CLSTN2: variants seen among roughly 807,000 people sequenced by gnomAD.
CLSTN2 encodes calsyntenin-2.
Under a neutral mutation model 101.2 loss-of-function variants are expected in CLSTN2, and 48 were observed. The ratio of observed to expected loss-of-function variants is 0.47; its 90% CI spans 0.38 to 0.60. The LOEUF is 0.60. Among genes scored for constraint, CLSTN2 ranks in the 20% least tolerant of loss-of-function variants. The pLI is 0.00. For synonymous variants in CLSTN2, 481 were observed against 463.6 expected, an observed-to-expected ratio of 1.04 and a Z score of -0.48; for missense variants, 1,160 against 1,238.2, an observed-to-expected ratio of 0.94 and a Z score of 0.95.
chr3:140,249,333 A>G (rs2086542445), intron 2 of CLSTN2, among the ~76,000 whole-genome samples: 1 of 152,224 alleles, frequency 6.6e-6, no homozygotes, highest in Non-Finnish European at 1.5e-5. Flanking sequence ...TCACATCACC[A>G]TGCCCAGCTG....
chr3:140,281,871 T>C (rs2086850496), intron 2 of CLSTN2, among the ~76,000 whole-genome samples: 1 of 152,172 alleles, frequency 6.6e-6, no homozygotes, highest in Admixed American at 6.5e-5. Context: ...CACAAGCTGC[T>C]TTAGCTGCTC....
rs1409128637 is a variant in CLSTN2, at chr3:139,990,868, T to C, written c.109+55385T>C. Among the ~76,000 whole-genome samples the C allele has an allele frequency of 2.0e-5, 3 of 152,238 alleles. No individual in the cohort carries two copies. In the East Asian group the frequency reaches 5.8e-4, roughly 29 times the overall value. Reference sequence around the variant, plus strand: ...GGTATACAGAATGACTTCAGATTGGTGCAGAGATAAACCATTTTTATATTA... The same window carrying C: ...GGTATACAGAATGACTTCAGATTGGCGCAGAGATAAACCATTTTTATATTA... On this transcript the variant is annotated intron_variant, in intron 1 of 16. Coordinates refer to ENST00000458420, the MANE Select transcript of CLSTN2 (RefSeq NM_022131.3).
intron 1 of CLSTN2, among the ~76,000 whole-genome samples, chr3:140,003,357 A>G (rs2006888003): frequency 6.6e-6 from 1 of 152,136 alleles, no homozygotes; most frequent in African/African-American, 2.4e-5. Context: ...ATTGTTCACT[A>G]TTGACCTATA....
intron 1 of CLSTN2, among the ~76,000 whole-genome samples, chr3:139,993,852 T>A (rs753163121): frequency 0.25 from 38,418 of 151,982 alleles, 5,053 homozygotes; most frequent in Admixed American, 0.37. Flanking sequence ...TTAAAGAAAG[T>A]ATATGACAAG....
At chr3:140,285,360 C>A (rs988503047) in intron 2 of CLSTN2, among the ~76,000 whole-genome samples, 1 of 152,094 alleles carries the variant, frequency 6.6e-6, no homozygotes, top group African/African-American at 2.4e-5. Context: ...CAATTATCTA[C>A]TGGCAGCAGC....
chr3:139,994,096 C>G (rs1179530380), intron 1 of CLSTN2, among the ~76,000 whole-genome samples: 2 of 152,198 alleles, frequency 1.3e-5, no homozygotes, highest in Non-Finnish European at 2.9e-5. Context: ...GATGATAGTT[C>G]TGCTCTTCAC....
At chr3:140,088,739 G>A (rs2008720067) in intron 1 of CLSTN2, among the ~76,000 whole-genome samples, 1 of 152,184 alleles carries the variant, frequency 6.6e-6, no homozygotes, top group African/African-American at 2.4e-5. Context: ...ATGTGGTGAT[G>A]TCATGCCTCT....
intron 1 of CLSTN2, among the ~76,000 whole-genome samples, chr3:140,166,812 A>T (rs984354235): frequency 6.6e-6 from 1 of 152,198 alleles, no homozygotes; most frequent in Admixed American, 6.5e-5. Context: ...GATAAGAAAG[A>T]GGCAAGAATT....
intron 12 of CLSTN2, among the ~76,000 whole-genome samples, chr3:140,560,797 C>A (rs58343475): frequency 6.6e-6 from 1 of 152,098 alleles, no homozygotes; most frequent in Non-Finnish European, 1.5e-5. Flanking sequence ...ACGATATGAC[C>A]AGACCTGACA....
intron 1 of CLSTN2, among the ~76,000 whole-genome samples, chr3:140,095,206 G>A (rs926791329): frequency 3.9e-5 from 6 of 152,140 alleles, no homozygotes; most frequent in East Asian, 1.9e-4. Flanking sequence ...GGCTAGGAGC[G>A]TTAATGGCAG....
In CLSTN2 at chr3:140,474,080, G is replaced by A. The variant is rs1253005921; in HGVS notation, c.1344+7349G>A. Among the ~76,000 whole-genome samples the A allele has an allele frequency of 4.6e-5, 7 of 152,216 alleles. No homozygotes were observed. The South Asian group carries it at 1.2e-3, about 27-fold the overall frequency. ...TAAGCCACCACGCCTGGCCAAATCT[G>A]TGTTGTTTTAAGCCACAAAGTTTGT... On this transcript the variant is annotated intron_variant, in intron 8 of 16. Transcript: ENST00000458420.
intron 1 of CLSTN2, among the ~76,000 whole-genome samples, chr3:139,960,486 C>A (rs1935489327): frequency 6.6e-6 from 1 of 152,204 alleles, no homozygotes; most frequent in East Asian, 1.9e-4. Flanking sequence ...AAGATGGAAT[C>A]TTCCAGGCAT....
intron 2 of CLSTN2, among the ~76,000 whole-genome samples, chr3:140,266,240 G>C (rs1175163664): frequency 6.6e-6 from 1 of 152,224 alleles, no homozygotes; most frequent in East Asian, 1.9e-4. Flanking sequence ...AAGCTCCAAA[G>C]TTCTTACCCA....
chr3:140,399,791 G>A (rs1272873881), intron 2 of CLSTN2, among the ~76,000 whole-genome samples: 1 of 151,964 alleles, frequency 6.6e-6, no homozygotes, highest in Non-Finnish European at 1.5e-5. Flanking sequence ...CTAGAGTTTG[G>A]AGTATGATTG....
At chr3:140,066,341 A>G (rs1279122708) in intron 1 of CLSTN2, among the ~76,000 whole-genome samples, 1 of 152,178 alleles carries the variant, frequency 6.6e-6, no homozygotes, top group African/African-American at 2.4e-5. Flanking sequence ...TGTTTCTTCA[A>G]GACTCTTTCT....
intron 15 of CLSTN2, 130 bp from the exon 16 acceptor site, chr3:140,563,831 T>C: frequency 1.2e-6 from 1 of 854,476 alleles, no homozygotes; most frequent in Non-Finnish European, 1.9e-6. Flanking sequence ...AAGGTACTGC[T>C]CTAGAGTTCT....
At chr3:140,320,382 C>T (rs914993966) in intron 2 of CLSTN2, among the ~76,000 whole-genome samples, 2 of 152,096 alleles carry the variant, frequency 1.3e-5, no homozygotes, top group African/African-American at 4.8e-5. Context: ...CTGATCACCT[C>T]CCCCTAGAAG....
intron 2 of CLSTN2, among the ~76,000 whole-genome samples, chr3:140,369,284 G>A (rs1243573617): frequency 6.6e-6 from 1 of 152,184 alleles, no homozygotes; most frequent in African/African-American, 2.4e-5. Context: ...GTTGTCTTGT[G>A]TAAAATTCAT....
At chr3:139,956,410 G>T (rs1428531082) in intron 1 of CLSTN2, among the ~76,000 whole-genome samples, 1 of 152,210 alleles carries the variant, frequency 6.6e-6, no homozygotes, top group African/African-American at 2.4e-5. Context: ...ATCCCTCTCA[G>T]TGGCCCAGCA....
Sources: gnomAD v4.1 joint callset for allele counts (sites outside exome capture counted in the v4.1 genomes callset) on GRCh38, gnomAD v4.1.1 for gene constraint, MANE v1.5 for transcripts, NCBI Gene and HGNC (gene_info 2026-07-23, HGNC 2026-07-21) for gene names.